CNTNAP2: variants seen among roughly 807,000 people sequenced by gnomAD.
The protein encoded by CNTNAP2 is contactin associated protein 2.
In CNTNAP2, 98 loss-of-function variants were observed where a neutral mutation model predicts 155.2. The observed-to-expected ratio is 0.63, with a 90% CI of 0.54 to 0.75. The LOEUF (loss-of-function observed/expected upper bound fraction) is 0.75. CNTNAP2 is among the 30% of genes least tolerant of loss of function. The pLI is 0.00. For synonymous variants in CNTNAP2, 651 were observed against 631.2 expected, an observed-to-expected ratio of 1.03 and a Z score of -0.47; for missense variants, 1,727 against 1,688.1, an observed-to-expected ratio of 1.02 and a Z score of -0.40.
chr7:148,201,738 G>A (rs146703040), intron 18 of CNTNAP2, among the ~76,000 whole-genome samples: 275 of 151,986 alleles, frequency 1.8e-3, no homozygotes, highest in African/African-American at 5.9e-3. Context: ...ACCATCCATG[G>A]TCACTATTAT....
At chr7:146,932,788 C>T (rs1385055333) in intron 3 of CNTNAP2, among the ~76,000 whole-genome samples, 3 of 151,894 alleles carry the variant, frequency 2.0e-5, no homozygotes, top group Non-Finnish European at 4.4e-5. Flanking sequence ...TCTTATACAC[C>T]AATAACAGAC....
At chr7:147,453,276 T>C (rs1168090325) in intron 10 of CNTNAP2, among the ~76,000 whole-genome samples, 1 of 152,192 alleles carries the variant, frequency 6.6e-6, no homozygotes, top group African/African-American at 2.4e-5. Flanking sequence ...GTGCCTCCCC[T>C]AGTCCAGGTG....
intron 20 of CNTNAP2, among the ~76,000 whole-genome samples, chr7:148,231,025 C>T (rs537200592): frequency 6.6e-6 from 1 of 152,198 alleles, no homozygotes; most frequent in African/African-American, 2.4e-5. Flanking sequence ...TTTTAAGCCA[C>T]CCAATTTGTC....
intron 9 of CNTNAP2, among the ~76,000 whole-genome samples, chr7:147,392,132 G>A (rs993350784): frequency 2.0e-5 from 3 of 151,930 alleles, no homozygotes; most frequent in Non-Finnish European, 4.4e-5. Context: ...CCAGAACATA[G>A]CAAAGATCTA....
At chr7:147,862,781 C>T (rs1468906176) in intron 13 of CNTNAP2, among the ~76,000 whole-genome samples, 1 of 152,012 alleles carries the variant, frequency 6.6e-6, no homozygotes, top group Non-Finnish European at 1.5e-5. Flanking sequence ...TTGGAGTATT[C>T]CTCAAACCAC....
intron 1 of CNTNAP2, among the ~76,000 whole-genome samples, chr7:146,553,778 A>T (rs541926218): frequency 6.7e-6 from 1 of 149,674 alleles, no homozygotes; most frequent in African/African-American, 2.4e-5. Context: ...TTTGTTTCTT[A>T]AAAAAAAAAT....
At chr7:147,326,854 G>A (rs1195153651) in intron 9 of CNTNAP2, among the ~76,000 whole-genome samples, 3 of 152,256 alleles carry the variant, frequency 2.0e-5, no homozygotes, top group Non-Finnish European at 2.9e-5. Flanking sequence ...ATTTCACAAT[G>A]AGACCACTAG....
chr7:148,009,616 G>T (rs901437077), intron 15 of CNTNAP2, among the ~76,000 whole-genome samples: 4 of 151,974 alleles, frequency 2.6e-5, no homozygotes, highest in Non-Finnish European at 4.4e-5. Flanking sequence ...GCAAAGCAAG[G>T]ACTGCCTCTT....
At chr7:147,852,233 C>T (rs1007867312) in intron 13 of CNTNAP2, among the ~76,000 whole-genome samples, 13 of 152,262 alleles carry the variant, frequency 8.5e-5, no homozygotes, top group African/African-American at 3.1e-4. Flanking sequence ...ATCACAAACA[C>T]TCTTAGTTAT....
intron 6 of CNTNAP2, among the ~76,000 whole-genome samples, chr7:147,126,955 C>T (rs1584860289): frequency 1.3e-5 from 2 of 152,056 alleles, no homozygotes; most frequent in South Asian, 4.1e-4. Context: ...AACAGGGAAA[C>T]TGTAAGGATA....
chr7:147,772,491 C>CAAA lies in CNTNAP2; in HGVS notation c.2099-131066_2099-131064dup, dbSNP rs1193910514. Among the ~76,000 whole-genome samples, 633 of 105,670 alleles carry CAAA rather than the reference C, an allele frequency of 6.0e-3. 31 individuals are homozygous for CAAA. Among genetic ancestry groups the CAAA allele is most frequent in the African/African-American group, 0.023 (605 of 26,466 alleles). The allele number at this position is 105,670 out of a possible 152,430, so 69.3% of individuals were successfully genotyped here. ...ATATATATATATATATATACACACACAAAAAAAAAACCACAAAAGAGGTGA... is the reference window on the plus strand; with the variant it reads ...ATATATATATATATATATACACACACAAAAAAAAAAAAACCACAAAAGAGGTGA... On this transcript the variant is annotated intron_variant, in intron 13 of 23. Coordinates refer to ENST00000361727, the MANE Select transcript of CNTNAP2 (RefSeq NM_014141.6).
intron 15 of CNTNAP2, among the ~76,000 whole-genome samples, chr7:148,037,800 T>G (rs1432928764): frequency 6.6e-6 from 1 of 152,226 alleles, no homozygotes; most frequent in African/African-American, 2.4e-5. Context: ...GAAAAAAACA[T>G]AGTATACACA....
intron 13 of CNTNAP2, among the ~76,000 whole-genome samples, chr7:147,681,547 A>G (rs1470452481): frequency 1.3e-5 from 2 of 151,928 alleles, no homozygotes; most frequent in Non-Finnish European, 2.9e-5. Flanking sequence ...TCTCTGGTTT[A>G]TCTTCCATCT....
At chr7:146,234,970 C>T (rs1204327562) in intron 1 of CNTNAP2, among the ~76,000 whole-genome samples, 1 of 152,050 alleles carries the variant, frequency 6.6e-6, no homozygotes, top group Non-Finnish European at 1.5e-5. Flanking sequence ...AGAGGTGGAT[C>T]CGTACACAAT....
At chr7:147,324,198 G>A (rs2620465) in intron 9 of CNTNAP2, among the ~76,000 whole-genome samples, 74,635 of 151,898 alleles carry the variant, frequency 0.49, 19,499 homozygotes, top group East Asian at 0.73. Flanking sequence ...AGGTTCAGGA[G>A]AGCAGGAGCT....
intron 12 of CNTNAP2, among the ~76,000 whole-genome samples, chr7:147,612,398 TTTC>T (rs970293773): frequency 2.0e-5 from 3 of 150,058 alleles, no homozygotes; most frequent in African/African-American, 7.4e-5. Flanking sequence ...TGTAATTTTC[TTTC>T]TTTTTTTTTT....
intron 13 of CNTNAP2, among the ~76,000 whole-genome samples, chr7:147,803,253 C>T (rs1443707038): frequency 6.6e-6 from 1 of 152,146 alleles, no homozygotes; most frequent in Non-Finnish European, 1.5e-5. Flanking sequence ...AAAATGTGAC[C>T]TCTTTCTCTG....
At chr7:146,969,962 G>A (rs1584756684) in intron 3 of CNTNAP2, among the ~76,000 whole-genome samples, 1 of 152,248 alleles carries the variant, frequency 6.6e-6, no homozygotes, top group East Asian at 1.9e-4. Context: ...AATGGGGAAA[G>A]GATTCCCTAT....
rs182134771 is a variant in CNTNAP2, at chr7:147,909,182, G to C, written c.2255+5461G>C. ...AATGAGGAGTAGAAAGAAGACCAAA[G>C]ACACACATCTCCAAACACCCAGGCC... On this transcript the variant is annotated intron_variant, in intron 14 of 23. Coordinates refer to ENST00000361727, the MANE Select transcript of CNTNAP2 (RefSeq NM_014141.6). 8.5e-5 allele frequency among the ~76,000 whole-genome samples: 13 copies of C among 152,154 alleles called. 1 individual carries two copies. In the South Asian group the frequency reaches 2.3e-3, roughly 27 times the overall value.
Sources: gnomAD v4.1 joint callset for allele counts (sites outside exome capture counted in the v4.1 genomes callset) on GRCh38, gnomAD v4.1.1 for gene constraint, MANE v1.5 for transcripts, NCBI Gene and HGNC (gene_info 2026-07-23, HGNC 2026-07-21) for gene names.